NT5C2: variants seen among roughly 807,000 people sequenced by gnomAD.
NT5C2 encodes cytosolic purine 5'-nucleotidase.
A neutral mutation model predicts 76.1 loss-of-function variants in NT5C2; 58 were observed. The ratio of observed to expected loss-of-function variants is 0.76; its 90% CI spans 0.62 to 0.95. The LOEUF is 0.95. Ranked by LOEUF, NT5C2 falls within the 40% of genes least tolerant of loss-of-function variation. The pLI is 0.00. For missense variants in NT5C2, 478 were observed against 690.3 expected, an observed-to-expected ratio of 0.69 and a Z score of 3.45; for synonymous variants, 229 against 237.4, an observed-to-expected ratio of 0.96 and a Z score of 0.32.
At chr10:103,107,418 T>A (rs1319299652) in intron 4 of NT5C2, among the ~76,000 whole-genome samples, 1 of 152,214 alleles carries the variant, frequency 6.6e-6, no homozygotes, top group African/African-American at 2.4e-5. Context: ...CTCATGCCTG[T>A]AGTTCCAGCA....
At chr10:103,161,649 A>G (rs1331938311) in intron 3 of NT5C2, among the ~76,000 whole-genome samples, 1 of 152,082 alleles carries the variant, frequency 6.6e-6, no homozygotes, top group Non-Finnish European at 1.5e-5. Flanking sequence ...ATTTGAGCCC[A>G]TGAGTGTGAG....
chr10:103,156,880 A>C (rs1027460506), intron 3 of NT5C2, among the ~76,000 whole-genome samples: 8 of 151,314 alleles, frequency 5.3e-5, no homozygotes, highest in Admixed American at 1.3e-4. Flanking sequence ...GCACAGTGAA[A>C]TCCCATCTCT....
chr10:103,093,070 A>C, intron 15 of NT5C2, 69 bp downstream of exon 15: 1 of 1,350,862 alleles, frequency 7.4e-7, no homozygotes, highest in East Asian at 2.5e-5. Context: ...GTAATGGTTT[A>C]TCAAAGACGA....
At chr10:103,188,656 C>T (rs1293150250) in intron 1 of NT5C2, among the ~76,000 whole-genome samples, 4 of 152,160 alleles carry the variant, frequency 2.6e-5, no homozygotes, top group African/African-American at 9.7e-5. Flanking sequence ...GTGTTTTTTA[C>T]AATTTTTTAC....
At position 103,094,129 on chromosome 10, in the gene NT5C2, C is replaced by T. The variant is rs557885031; in HGVS notation, c.922-91G>A. 4 of 1,003,260 alleles carry T rather than the reference C, an allele frequency of 4.0e-6. No homozygotes were observed. In the South Asian group the frequency reaches 5.4e-5, roughly 14 times the overall value. The allele number at this position is 1,003,260 out of a possible 1,614,324, so 62.1% of individuals were successfully genotyped here. A position where few individuals can be genotyped will look rare whatever the true frequency, so the allele number is the denominator to read the frequency against. On this transcript the variant is annotated intron_variant, in intron 13 of 18. Transcript: ENST00000404739. Reference sequence around the variant, plus strand: ...ACCCTCCCATCCCACCCCCCACCACCAGTGCTACTTGGCCAGACAGCCAAA... The same window carrying T: ...ACCCTCCCATCCCACCCCCCACCACTAGTGCTACTTGGCCAGACAGCCAAA...
At chr10:103,129,335 C>A (rs1469914263) in intron 4 of NT5C2, among the ~76,000 whole-genome samples, 26 of 115,616 alleles carry the variant, frequency 2.2e-4, no homozygotes, top group African/African-American at 8.6e-4. Context: ...GCCGCCCCGT[C>A]CGGGAGGGAG....
At chr10:103,130,184 G>A (rs1054750570) in intron 4 of NT5C2, among the ~76,000 whole-genome samples, 16 of 151,606 alleles carry the variant, frequency 1.1e-4, no homozygotes, top group Non-Finnish European at 1.9e-4. Flanking sequence ...GTAGACATGG[G>A]AGACTTTTCA....
intron 1 of NT5C2, among the ~76,000 whole-genome samples, chr10:103,185,332 T>C (rs1332746882): frequency 1.4e-5 from 2 of 148,028 alleles, no homozygotes; most frequent in African/African-American, 4.9e-5. Flanking sequence ...TAATGACTCC[T>C]GAATACTCCT....
chr10:103,129,823 C>A (rs2077687881), intron 4 of NT5C2, among the ~76,000 whole-genome samples: 3 of 98,878 alleles, frequency 3.0e-5, no homozygotes, highest in Non-Finnish European at 4.3e-5. Context: ...CCGGCCGCCC[C>A]TACTGGGAAG....
At chr10:103,114,513 T>C (rs1044150435) in intron 4 of NT5C2, among the ~76,000 whole-genome samples, 1 of 152,232 alleles carries the variant, frequency 6.6e-6, no homozygotes, top group African/African-American at 2.4e-5. Flanking sequence ...GTTGGGTCCA[T>C]GGGCCAACAG....
intron 2 of NT5C2, among the ~76,000 whole-genome samples, chr10:103,176,546 A>T (rs960549063): frequency 1.3e-5 from 2 of 152,124 alleles, no homozygotes; most frequent in Non-Finnish European, 2.9e-5. Context: ...TTGGGCTGAA[A>T]AGGCCACTGC....
chr10:103,097,220 T>G (rs767733668), intron 11 of NT5C2, 71 bp downstream of exon 11: 3 of 1,147,630 alleles, frequency 2.6e-6, no homozygotes, highest in Non-Finnish European at 3.8e-6. Context: ...TCTATCTTCC[T>G]CATTGTCTTC....
chr10:103,188,872 C>T (rs1412642403), intron 1 of NT5C2, among the ~76,000 whole-genome samples: 1 of 152,070 alleles, frequency 6.6e-6, no homozygotes, highest in Non-Finnish European at 1.5e-5. Context: ...CACAGTGTCA[C>T]ATGCCTGTAT....
chr10:103,097,327 T>C lies in NT5C2; in HGVS notation c.735A>G (p.Val245=). 2 of 1,613,704 alleles carry C rather than the reference T, an allele frequency of 1.2e-6. No individual in the cohort carries two copies. The highest frequency in any genetic ancestry group is 1.3e-5 in the African/African-American group (1 of 75,010). The change falls in exon 11 of 19, where the codon GTA becomes GTG. Residue 245 remains valine (V), a synonymous_variant. Coordinates refer to ENST00000404739, the MANE Select transcript of NT5C2 (RefSeq NM_001351169.2). The part of the protein sequence containing the change: ...LLSRMKEVGK[V]FLATNSDYKY... ...TATAGTCACTGTTGGTAGCAAGAAATACTTTCCCTACTTCCTTCATCCGGC... is the reference window on the plus strand; with the variant it reads ...TATAGTCACTGTTGGTAGCAAGAAACACTTTCCCTACTTCCTTCATCCGGC...
chr10:103,156,494 C>G (rs915261642), intron 3 of NT5C2, among the ~76,000 whole-genome samples: 3 of 152,224 alleles, frequency 2.0e-5, no homozygotes, highest in Non-Finnish European at 2.9e-5. Flanking sequence ...GTGGCTCATG[C>G]CTGTAATCCC....
chr10:103,097,199 C>T (rs1660637009), intron 11 of NT5C2, 92 bp downstream of exon 11: 2 of 959,948 alleles, frequency 2.1e-6, no homozygotes, highest in Non-Finnish European at 3.1e-6. Context: ...ACTATTTTCA[C>T]TTAATAAACT....
At position 103,139,390 on chromosome 10, in the gene NT5C2, A is replaced by G. The variant is rs1490697230; in HGVS notation, c.175+16T>C. On this transcript the variant is annotated intron_variant, in intron 4 of 18. Transcript: ENST00000404739. ...CCAAAGCAGCAGTTCTTAAGCAATC[A>G]GAAATTGCTACTCACCAGCAAGGGT... The G allele has an allele frequency of 4.5e-6, 7 of 1,541,990 alleles. No homozygotes were observed. Among genetic ancestry groups the G allele is most frequent in the Non-Finnish European group, 5.3e-6 (6 of 1,133,080 alleles).
chr10:103,122,123 G>A (rs1355343967), intron 4 of NT5C2, among the ~76,000 whole-genome samples: 1 of 152,132 alleles, frequency 6.6e-6, no homozygotes, highest in African/African-American at 2.4e-5. Flanking sequence ...GTAGTGAGCC[G>A]AGATCACCCC....
intron 3 of NT5C2, among the ~76,000 whole-genome samples, chr10:103,159,842 T>C (rs181967976): frequency 1.1e-4 from 17 of 152,294 alleles, no homozygotes; most frequent in Admixed American, 1.1e-3. Context: ...CTCAAAGTTA[T>C]ATATAGAGAG....
Sources: gnomAD v4.1 joint callset for allele counts (sites outside exome capture counted in the v4.1 genomes callset) on GRCh38, gnomAD v4.1.1 for gene constraint, MANE v1.5 for transcripts, NCBI Gene and HGNC (gene_info 2026-07-23, HGNC 2026-07-21) for gene names.